Variants in HACD2 observed in about 807,000 individuals in gnomAD.
HACD2 encodes the protein 3-hydroxyacyl-CoA dehydratase 2.
HACD2 carries 15 observed loss-of-function variants against 31.0 expected under a neutral mutation model. That is an observed-to-expected ratio of 0.48 (90% CI 0.32 to 0.75). The LOEUF (loss-of-function observed/expected upper bound fraction) is 0.75. Among genes scored for constraint, HACD2 ranks in the 30% least tolerant of loss-of-function variants. The pLI is 0.03. For missense variants in HACD2, 283 were observed against 313.0 expected (o/e 0.90, Z 0.72); for synonymous variants, 115 against 122.2 (o/e 0.94, Z 0.39).
At chr3:123,556,726 T>G (rs760020985) in intron 3 of HACD2, among the ~76,000 whole-genome samples, 1 of 152,062 alleles carries the variant, frequency 6.6e-6, no homozygotes, top group Non-Finnish European at 1.5e-5. Flanking sequence ...GATAAAGAAT[T>G]TGTATCCAAA....
chr3:123,578,128 TG>T (rs1559937454), intron 2 of HACD2, among the ~76,000 whole-genome samples: 1 of 152,254 alleles, frequency 6.6e-6, no homozygotes, highest in African/African-American at 2.4e-5. Flanking sequence ...TCATACTATT[TG>T]TGACTTTTTG....
intron 2 of HACD2, among the ~76,000 whole-genome samples, chr3:123,568,865 C>T (rs558653922): frequency 1.3e-5 from 2 of 152,156 alleles, no homozygotes; most frequent in African/African-American, 2.4e-5. Context: ...TACTTGCAGA[C>T]AAGAAAACCA....
chr3:123,506,075 C>A (rs190886356), intron 4 of HACD2, among the ~76,000 whole-genome samples: 1 of 152,226 alleles, frequency 6.6e-6, no homozygotes, highest in Admixed American at 6.5e-5. Flanking sequence ...AGGCGTGAAA[C>A]GCTGGCTAAT....
At chr3:123,576,974 C>G (rs1266431) in intron 2 of HACD2, among the ~76,000 whole-genome samples, 57,766 of 152,050 alleles carry the variant, frequency 0.38, 16,471 homozygotes, top group African/African-American at 0.78. Flanking sequence ...TGAGAAAGTG[C>G]TGGGGTTAGA....
intron 4 of HACD2, among the ~76,000 whole-genome samples, chr3:123,525,240 G>A (rs1428702563): frequency 6.6e-6 from 1 of 152,138 alleles, no homozygotes; most frequent in African/African-American, 2.4e-5. Flanking sequence ...AAAGGTGGAT[G>A]GGGTATTTGC....
At chr3:123,544,758 T>C (rs1309984579) in intron 3 of HACD2, among the ~76,000 whole-genome samples, 1 of 151,916 alleles carries the variant, frequency 6.6e-6, no homozygotes, top group African/African-American at 2.4e-5. Context: ...CTGAACTATG[T>C]TCACAAATAA....
chr3:123,558,348 G>A (rs548447389), intron 3 of HACD2, among the ~76,000 whole-genome samples: 1 of 152,150 alleles, frequency 6.6e-6, no homozygotes, highest in Non-Finnish European at 1.5e-5. Flanking sequence ...TTAGATATAT[G>A]TCATTATAAA....
rs2055764894 is a variant in HACD2, at chr3:123,491,706, T to G, written c.*3182A>C. On this transcript the variant is annotated 3_prime_UTR_variant, in exon 7 of 7. Transcript: ENST00000383657. ...GCGTAGTCTCTGGACTCCTTATTTC[T>G]AAATATACAAAAAATACATTTAAAT... is the stretch of plus-strand genomic sequence containing the variant. 6.6e-6 allele frequency: 1 copy of G among 152,656 alleles called. No homozygotes were observed. The highest frequency in any genetic ancestry group is 1.5e-5 in the Non-Finnish European group (1 of 68,042). 9.5% of individuals were successfully genotyped at this position (152,656 alleles called of 1,614,324 possible).
rs149783034 is a variant in HACD2 at position 123,521,749 on chromosome 3, A to G, written c.381+6637T>C. Among the ~76,000 whole-genome samples, 22 of 152,246 alleles carry G rather than the reference A, an allele frequency of 1.4e-4. No individual in the cohort carries two copies. In the East Asian group the frequency reaches 4.2e-3, roughly 29 times the overall value. ...AAAGACAAGTGAAACCAATTTCCTG[A>G]TTTTGCTGAGCTTGGAACCTATCCA... On this transcript the variant is annotated intron_variant, in intron 4 of 6. Transcript: ENST00000383657.
chr3:123,498,187 C>G (rs2055857373), intron 6 of HACD2, among the ~76,000 whole-genome samples: 1 of 152,190 alleles, frequency 6.6e-6, no homozygotes, highest in Non-Finnish European at 1.5e-5. Context: ...CATCTTGAAC[C>G]TGGGTGAGGA....
At chr3:123,525,062 T>C (rs1016327102) in intron 4 of HACD2, among the ~76,000 whole-genome samples, 2 of 152,182 alleles carry the variant, frequency 1.3e-5, no homozygotes, top group African/African-American at 4.8e-5. Context: ...GGAGGTTACT[T>C]TCTTAAACAC....
intron 4 of HACD2, among the ~76,000 whole-genome samples, chr3:123,520,956 T>C (rs1158671189): frequency 6.6e-6 from 1 of 152,218 alleles, no homozygotes; most frequent in Non-Finnish European, 1.5e-5. Context: ...TCCTTCACTC[T>C]CATTCCTTTT....
Position 123,566,608 on chromosome 3 carries a change from G to A in HACD2, c.292+1154C>T, listed in dbSNP as rs114046607. Among the ~76,000 whole-genome samples, 482 of 82,188 alleles carry A rather than the reference G, an allele frequency of 5.9e-3. 2 individuals carry two copies. Among genetic ancestry groups the A allele is most frequent in the Admixed American group, 0.014 (111 of 7,688 alleles). The allele number at this position is 82,188 out of a possible 152,430, so 53.9% of individuals were successfully genotyped here. A position where few individuals can be genotyped will look rare whatever the true frequency, so the allele number is the denominator to read the frequency against. On this transcript the variant is annotated intron_variant, in intron 3 of 6. Coordinates refer to ENST00000383657, the MANE Select transcript of HACD2 (RefSeq NM_198402.5). ...CCAAGGTGCAATTCTTTATAATAAG[G>A]TTCTTGGCCAGGCGTGGTGACTGCA... is the stretch of plus-strand genomic sequence containing the variant.
At position 123,551,464 on chromosome 3, in the gene HACD2, A is replaced by AT. The variant is rs1011543149; in HGVS notation, c.292+16297_292+16298insA. Among the ~76,000 whole-genome samples the AT allele has an allele frequency of 8.6e-5, 13 of 151,826 alleles. No individual in the cohort carries two copies. The East Asian group carries it at 9.7e-4, about 11-fold the overall frequency. ...TGAATCCCCATCTCTACTAAAAAAA[A>AT]ATATATAAAAATTAGCCAGGCATGG... On this transcript the variant is annotated intron_variant, in intron 3 of 6. Coordinates refer to ENST00000383657, the MANE Select transcript of HACD2 (RefSeq NM_198402.5).
At chr3:123,510,216 C>A (rs765496307) in intron 4 of HACD2, among the ~76,000 whole-genome samples, 1 of 152,154 alleles carries the variant, frequency 6.6e-6, no homozygotes, top group Non-Finnish European at 1.5e-5. Flanking sequence ...TTTGTTAATT[C>A]TAGGTACCTC....
intron 3 of HACD2, among the ~76,000 whole-genome samples, chr3:123,529,365 G>A (rs992254665): frequency 7.2e-5 from 11 of 152,142 alleles, no homozygotes; most frequent in Admixed American, 6.5e-4. Context: ...GCTTCCCAAA[G>A]TGCTGGGATT....
In HACD2 at chr3:123,494,963, G is replaced by C. The variant is rs774042687; in HGVS notation, c.690C>G (p.Pro230=). The change falls in exon 7 of 7, where the codon CCC becomes CCG. Residue 230 remains proline, a synonymous_variant. Coordinates refer to ENST00000383657, the MANE Select transcript of HACD2 (RefSeq NM_198402.5). The part of the protein sequence containing the change: ...LIMISYIPIF[P]QLYFHMIHQR... ...GGTGTATCATGTGGAAGTATAACTG[G>C]GGAAAAACTGAAAAGAAAAGAAAAA... is the stretch of plus-strand genomic sequence containing the variant. 3 of 1,551,340 alleles carry C rather than the reference G, an allele frequency of 1.9e-6. No individual in the cohort carries two copies. The highest frequency in any genetic ancestry group is 2.6e-6 in the Non-Finnish European group (3 of 1,145,200).
intron 1 of HACD2, among the ~76,000 whole-genome samples, chr3:123,583,109 T>C (rs548383521): frequency 1.8e-4 from 27 of 152,342 alleles, no homozygotes; most frequent in Admixed American, 1.8e-3. Context: ...TGGTCTATGC[T>C]ATTTCCAAAA....
At chr3:123,560,793 A>G (rs545090199) in intron 3 of HACD2, among the ~76,000 whole-genome samples, 5 of 152,118 alleles carry the variant, frequency 3.3e-5, no homozygotes, top group African/African-American at 1.2e-4. Context: ...TCTCTTTCTT[A>G]CAATTTGGTA....
Sources: allele counts gnomAD v4.1 joint callset (sites outside exome capture counted in the v4.1 genomes callset), GRCh38; gene constraint gnomAD v4.1.1; transcripts MANE v1.5; gene names NCBI Gene and HGNC (gene_info 2026-07-23, HGNC 2026-07-21).